TENM3: variants seen among roughly 807,000 people sequenced by gnomAD.
TENM3 encodes the protein teneurin-3.
Under a neutral mutation model 255.1 loss-of-function variants are expected in TENM3, and 63 were observed. The ratio of observed to expected loss-of-function variants is 0.25; its 90% CI spans 0.20 to 0.30. TENM3 has a LOEUF of 0.30. TENM3 is among the 10% of genes least tolerant of loss of function. The pLI, the probability that TENM3 is intolerant of heterozygous loss-of-function variation, is 1.00. For synonymous variants in TENM3, 1,306 were observed against 1,322.3 expected, an observed-to-expected ratio of 0.99 and a Z score of 0.27; for missense variants, 2,929 against 3,461.1, an observed-to-expected ratio of 0.85 and a Z score of 3.86.
At chr4:181,527,400 G>A in the TENM3 span, among the ~76,000 whole-genome samples, 38 of 151,828 alleles carry the variant, frequency 2.5e-4, no homozygotes, top group Admixed American at 2.2e-3. Context: ...ACAGAGTCTC[G>A]CTTTGTCACC....
chr4:181,992,240 C>A, the TENM3 span, among the ~76,000 whole-genome samples: 2 of 152,136 alleles, frequency 1.3e-5, no homozygotes, highest in African/African-American at 2.4e-5. Context: ...AATTTATCTC[C>A]TGTATGGTGT....
intron 19 of TENM3, among the ~76,000 whole-genome samples, chr4:182,751,405 G>A (rs1215097176): frequency 6.6e-6 from 1 of 152,222 alleles, no homozygotes; most frequent in Non-Finnish European, 1.5e-5. Context: ...ATTTGATGGA[G>A]ACATGCTTCC....
chr4:182,655,368 C>G (rs1284169594), intron 6 of TENM3, among the ~76,000 whole-genome samples: 2 of 152,136 alleles, frequency 1.3e-5, no homozygotes, highest in African/African-American at 2.4e-5. Context: ...TTTACAACAT[C>G]TTAACCTTTT....
chr4:182,385,327 C>T (rs1260243548), intron 3 of TENM3, among the ~76,000 whole-genome samples: 2 of 137,332 alleles, frequency 1.5e-5, no homozygotes, highest in East Asian at 2.3e-4. Flanking sequence ...TGCAGAGGCA[C>T]GATCTCCACT....
chr4:182,107,151 T>TACAC, the TENM3 span, among the ~76,000 whole-genome samples: 1,011 of 146,056 alleles, frequency 6.9e-3, 12 homozygotes, highest in African/African-American at 0.018. Context: ...AAACAGAACA[T>TACAC]ACACACACAC....
At chr4:182,735,482 A>T (rs182240566) in intron 16 of TENM3, among the ~76,000 whole-genome samples, 1 of 152,192 alleles carries the variant, frequency 6.6e-6, no homozygotes, top group African/African-American at 2.4e-5. Context: ...GCAGATAGAC[A>T]TCATCTTTAA....
rs113699342 is a variant in TENM3 at position 182,721,094 on chromosome 4, C to T, written c.2368+6861C>T. Among the ~76,000 whole-genome samples the T allele has an allele frequency of 2.3e-3, 355 of 152,198 alleles. 6 individuals are homozygous for T. The highest frequency in any genetic ancestry group is 0.021 in the South Asian group (102 of 4,802). On this transcript the variant is annotated intron_variant, in intron 13 of 27. Transcript: ENST00000511685. The stretch of plus-strand genomic sequence containing the variant: ...AAAAGTCTCCCCTCTCTTTTACACC[C>T]GTGCCCAGCAGCTGCCACCTGAAGC...
intron 6 of TENM3, among the ~76,000 whole-genome samples, chr4:182,659,078 A>G (rs1753997363): frequency 6.6e-6 from 1 of 152,212 alleles, no homozygotes; most frequent in Non-Finnish European, 1.5e-5. Context: ...GGGGAGGGGA[A>G]TTAAACTCCT....
chr4:182,731,233 C>A, intron 16 of TENM3, 94 bp downstream of exon 16: 1 of 1,285,626 alleles, frequency 7.8e-7, no homozygotes, highest in Non-Finnish European at 1.1e-6. Flanking sequence ...AGTCCGGGCA[C>A]GGTGGCTCAC....
intron 5 of TENM3, among the ~76,000 whole-genome samples, chr4:182,631,949 G>T (rs1159869550): frequency 6.6e-6 from 1 of 152,180 alleles, no homozygotes; most frequent in African/African-American, 2.4e-5. Flanking sequence ...CAAGGAGGGA[G>T]GGAGGGAGGT....
chr4:181,526,672 G>C, the TENM3 span, among the ~76,000 whole-genome samples: 2 of 152,154 alleles, frequency 1.3e-5, no homozygotes, highest in African/African-American at 4.8e-5. Context: ...TGATGGTGGT[G>C]ATGGTGGTGG....
chr4:182,594,031 C>G (rs1482783574), intron 3 of TENM3, among the ~76,000 whole-genome samples: 8 of 151,596 alleles, frequency 5.3e-5, no homozygotes. Flanking sequence ...TGTTTTGTTT[C>G]TTCTTGGCAT....
the TENM3 span, among the ~76,000 whole-genome samples, chr4:181,886,047 GGTT>G: frequency 1.6e-5 from 2 of 128,336 alleles, no homozygotes; most frequent in South Asian, 2.7e-4. Flanking sequence ...GTTTTTCTTG[GGTT>G]TTTTTTTTTT....
chr4:181,898,265 C>A, the TENM3 span, among the ~76,000 whole-genome samples: 1 of 151,294 alleles, frequency 6.6e-6, no homozygotes, highest in Non-Finnish European at 1.5e-5. Flanking sequence ...TGCAGCTACA[C>A]ACACACACAC....
intron 3 of TENM3, among the ~76,000 whole-genome samples, chr4:182,542,604 T>C (rs757257575): frequency 2.9e-4 from 44 of 151,850 alleles, no homozygotes; most frequent in Middle Eastern, 3.4e-3. Flanking sequence ...ATGGAAGGGT[T>C]TTTATTAAAC....
At chr4:182,427,071 T>C (rs569916025) in intron 3 of TENM3, among the ~76,000 whole-genome samples, 2 of 152,324 alleles carry the variant, frequency 1.3e-5, no homozygotes, top group South Asian at 4.1e-4. Context: ...GAGGGACTTC[T>C]GGAGACCTAC....
At chr4:181,840,023 A>T in the TENM3 span, among the ~76,000 whole-genome samples, 5 of 152,108 alleles carry the variant, frequency 3.3e-5, no homozygotes, top group East Asian at 7.7e-4. Flanking sequence ...TTTAGCAAGA[A>T]GTATGTTATA....
chr4:182,258,038 T>A (rs1003500719), intron 1 of TENM3, among the ~76,000 whole-genome samples: 3 of 152,084 alleles, frequency 2.0e-5, no homozygotes, highest in African/African-American at 7.2e-5. Context: ...GTATAAAGAA[T>A]AAATGTAAAT....
the TENM3 span, among the ~76,000 whole-genome samples, chr4:181,627,346 TTTTATTATAC>T: frequency 3.9e-3 from 594 of 152,312 alleles, 3 homozygotes; most frequent in Non-Finnish European, 6.2e-3. Flanking sequence ...TTCTTTTTAT[TTTTATTATAC>T]TTAAGTTCTA....
Sources: gnomAD v4.1 joint callset for allele counts (sites outside exome capture counted in the v4.1 genomes callset) on GRCh38, gnomAD v4.1.1 for gene constraint, MANE v1.5 for transcripts, NCBI Gene and HGNC (gene_info 2026-07-23, HGNC 2026-07-21) for gene names.